The following RNF17 variants were observed in gnomAD, a reference collection of about 807,000 sequenced individuals.
RNF17 encodes spermatogenesis associated 23.
In RNF17, 31 loss-of-function variants were observed where a neutral mutation model predicts 200.5. The ratio of observed to expected loss-of-function variants is 0.15; its 90% CI spans 0.12 to 0.21. The LOEUF (loss-of-function observed/expected upper bound fraction) is 0.21, where lower values mean the gene tolerates loss of function less well. RNF17 is among the 10% of genes least tolerant of loss of function. The pLI, the probability that RNF17 is intolerant of heterozygous loss-of-function variation, is 1.00. For missense variants in RNF17, 1,628 were observed against 1,905.1 expected, an observed-to-expected ratio of 0.85 and a Z score of 2.71; for synonymous variants, 606 against 637.8, an observed-to-expected ratio of 0.95 and a Z score of 0.75.
intron 10 of RNF17, 144 bp downstream of exon 10, chr13:24,793,490 C>A: frequency 1.4e-6 from 1 of 731,052 alleles, no homozygotes; most frequent in Non-Finnish European, 2.1e-6. Context: ...CTGTTCATTC[C>A]ATGCCCCTAC....
At chr13:24,835,507 G>A (rs1889889110) in intron 18 of RNF17, among the ~76,000 whole-genome samples, 1 of 152,158 alleles carries the variant, frequency 6.6e-6, no homozygotes, top group Non-Finnish European at 1.5e-5. Context: ...ACTCTGTGCA[G>A]ACAACCCCCA....
chr13:24,824,017 T>C (rs1888369216), intron 15 of RNF17, among the ~76,000 whole-genome samples: 1 of 152,226 alleles, frequency 6.6e-6, no homozygotes, highest in African/African-American at 2.4e-5. Flanking sequence ...CTGTTCCCTC[T>C]GGTTCAGGGG....
intron 28 of RNF17, 149 bp from the exon 29 acceptor site, chr13:24,864,724 C>T (rs1893448588): frequency 1.7e-6 from 1 of 602,074 alleles, no homozygotes; most frequent in East Asian, 2.9e-5. Context: ...CGTCAAAATA[C>T]CAGGAAGAAA....
chr13:24,844,671 G>A lies in RNF17; in HGVS notation c.2851G>A (p.Ala951Thr). 1 of 1,600,198 alleles carries A rather than the reference G, an allele frequency of 6.2e-7. No individual in the cohort carries two copies. The highest frequency in any genetic ancestry group is 8.6e-7 in the Non-Finnish European group (1 of 1,168,558). The change falls in exon 21 of 36, where the codon GCT becomes ACT. Residue 951 changes from alanine to threonine, a missense_variant. Coordinates refer to ENST00000255324, the MANE Select transcript of RNF17 (RefSeq NM_031277.3). The part of the protein sequence containing the change: ...LLNSLEEKMI[A>T]AYENSKWEPV... Reference sequence around the variant, plus strand: ...CTATAGTTTAGAAGAAAAGATGATAGCTGCTTATGAAAACTCAAAATGGGA... The same window carrying A: ...CTATAGTTTAGAAGAAAAGATGATAACTGCTTATGAAAACTCAAAATGGGA...
At chr13:24,825,588 A>C in intron 15 of RNF17, 31 bp from the exon 16 acceptor site, 1 of 1,438,422 alleles carries the variant, frequency 7.0e-7, no homozygotes, top group Non-Finnish European at 9.6e-7. Flanking sequence ...GTTTCTGTGA[A>C]ATGACAGTGC....
chr13:24,873,549 A>G (rs943421188), intron 32 of RNF17, among the ~76,000 whole-genome samples: 1 of 152,198 alleles, frequency 6.6e-6, no homozygotes, highest in Non-Finnish European at 1.5e-5. Flanking sequence ...AGTTATTTCT[A>G]TGTGTTGGAA....
intron 33 of RNF17, among the ~76,000 whole-genome samples, chr13:24,876,615 C>T (rs1288261540): frequency 6.6e-6 from 1 of 151,276 alleles, no homozygotes; most frequent in African/African-American, 2.4e-5. Context: ...AATAGCCATT[C>T]TAGTAGGTGT....
intron 3 of RNF17, among the ~76,000 whole-genome samples, chr13:24,775,936 CTTT>C (rs764735884): frequency 2.2e-4 from 33 of 152,198 alleles, no homozygotes; most frequent in Non-Finnish European, 4.1e-4. Flanking sequence ...ATTTTTGCAG[CTTT>C]TTAAGTGTTA....
intron 22 of RNF17, among the ~76,000 whole-genome samples, chr13:24,847,348 TA>T (rs376797138): frequency 0.18 from 18,077 of 98,744 alleles, 1,173 homozygotes; most frequent in South Asian, 0.22. Flanking sequence ...TTTATTTATT[TA>T]TTTTTTTTTT....
chr13:24,804,464 T>A lies in RNF17; in HGVS notation c.2091+35T>A, dbSNP rs532366872. The stretch of plus-strand genomic sequence containing the variant: ...TAATGTGTTTTTGAAATGAAGTTTT[T>A]AAAAAAATTTTAATTAGACATGTAT... On this transcript the variant is annotated intron_variant, in intron 15 of 35. Transcript: ENST00000255324. 23 of 1,516,490 alleles carry A rather than the reference T, an allele frequency of 1.5e-5. No homozygotes were observed. The Admixed American group carries it at 2.3e-4, about 15-fold the overall frequency. 93.9% of individuals were successfully genotyped at this position (1,516,490 alleles called of 1,614,324 possible).
At chr13:24,754,636 G>C in the RNF17 span, among the ~76,000 whole-genome samples, 74 of 152,198 alleles carry the variant, frequency 4.9e-4, 1 homozygote, top group East Asian at 0.013. Flanking sequence ...CATACCTGTA[G>C]TCCCGCACTT....
chr13:24,879,476 C>A (rs1895216906), intron 35 of RNF17, among the ~76,000 whole-genome samples, 181 bp downstream of exon 35: 1 of 152,194 alleles, frequency 6.6e-6, no homozygotes, highest in South Asian at 2.1e-4. Flanking sequence ...GGTCCCCTAT[C>A]TGTAAGGATG....
intron 22 of RNF17, among the ~76,000 whole-genome samples, chr13:24,848,108 C>A (rs944630645): frequency 2.0e-5 from 3 of 152,010 alleles, no homozygotes; most frequent in Non-Finnish European, 4.4e-5. Context: ...TAACAACAAA[C>A]CTTAAAGATA....
At chr13:24,859,906 C>T (rs574635055) in intron 26 of RNF17, among the ~76,000 whole-genome samples, 1 of 151,996 alleles carries the variant, frequency 6.6e-6, no homozygotes, top group African/African-American at 2.4e-5. Context: ...TTATTATTCC[C>T]ATTTTACTAA....
At position 24,796,233 on chromosome 13, in the gene RNF17, A is replaced by C; in HGVS notation, c.1337A>C (p.Lys446Thr). The change falls in exon 11 of 36, where the codon AAG (lysine) becomes ACG (threonine). Residue 446 changes from lysine to threonine, a missense_variant. Physicochemically the swap from Lys to Thr is moderately conservative, Grantham distance 78. Around this residue, in one of 5 missense-constraint regions of RNF17, gnomAD observed 289 missense variants for 384.9 expected, o/e 0.75. Coordinates refer to ENST00000255324, the MANE Select transcript of RNF17 (RefSeq NM_031277.3). Reference sequence around the variant, plus strand: ...ATAAAAGACGCCAAAGTACTGGAGAAGAAGGTGAATGAATTTTGCAATAGG... The same window carrying C: ...ATAAAAGACGCCAAAGTACTGGAGACGAAGGTGAATGAATTTTGCAATAGG... ...SQIKDAKVLE[K>T]KVNEFCNRSS... The C allele has an allele frequency of 6.2e-7, 1 of 1,612,766 alleles. No individual in the cohort carries two copies. The highest frequency in any genetic ancestry group is 1.1e-5 in the South Asian group (1 of 90,920).
intron 11 of RNF17, among the ~76,000 whole-genome samples, chr13:24,797,944 G>A (rs894465705): frequency 6.6e-6 from 1 of 152,042 alleles, no homozygotes. Context: ...GTACAAAAGC[G>A]CTCTGTGAAT....
chr13:24,821,555 A>G (rs746455850), intron 15 of RNF17, among the ~76,000 whole-genome samples: 13 of 151,356 alleles, frequency 8.6e-5, no homozygotes, highest in Admixed American at 1.3e-4. Flanking sequence ...TGCTTCTCAG[A>G]CTCGATATTT....
At position 24,864,916 on chromosome 13, in the gene RNF17, A is replaced by G; in HGVS notation, c.4019A>G (p.Tyr1340Cys). 1.3e-6 allele frequency: 2 copies of G among 1,564,434 alleles called. No homozygotes were observed. Among genetic ancestry groups the G allele is most frequent in the Non-Finnish European group, 1.7e-6 (2 of 1,146,426 alleles). Residue 1340 changes from tyrosine (Y) to cysteine (C), a missense_variant, in exon 29 of 36, where the codon TAT becomes TGT. Tyr to Cys is a radical substitution (Grantham distance 194). Around this residue, in one of 5 missense-constraint regions of RNF17, gnomAD observed 609 missense variants for 681.9 expected, o/e 0.89. Transcript: ENST00000255324. Reference protein sequence around the residue: ...NPWEKLSIHLYFDGMSLSYFM... With the variant: ...NPWEKLSIHLCFDGMSLSYFM... ...TGGGAGAAATTGTCTATTCACCTCTATTTTGATGGAATGTCACTTTCTTAT... is the reference window on the plus strand; with the variant it reads ...TGGGAGAAATTGTCTATTCACCTCTGTTTTGATGGAATGTCACTTTCTTAT...
chr13:24,876,420 C>T (rs1243961054), intron 33 of RNF17, among the ~76,000 whole-genome samples: 3 of 152,288 alleles, frequency 2.0e-5, no homozygotes, highest in Non-Finnish European at 4.4e-5. Flanking sequence ...TGAGTACCTT[C>T]TTTCAATTAT....
Sources: gnomAD v4.1 joint callset for allele counts (sites outside exome capture counted in the v4.1 genomes callset) on GRCh38, gnomAD v4.1.1 for gene constraint, gnomAD v4.1.1 regional missense constraint, MANE v1.5 for transcripts, NCBI Gene and HGNC (gene_info 2026-07-23, HGNC 2026-07-21) for gene names.